Variants in OPHN1 observed in about 807,000 individuals in gnomAD.
OPHN1 encodes oligophrenin-1.
OPHN1 carries 11 observed loss-of-function variants against 60.7 expected under a neutral mutation model. The observed-to-expected ratio is 0.18, with a 90% confidence interval of 0.11 to 0.30. The LOEUF (loss-of-function observed/expected upper bound fraction) is 0.30, where lower values mean the gene tolerates loss of function less well. Among genes scored for constraint, OPHN1 ranks in the 10% least tolerant of loss-of-function variants. The probability of loss-of-function intolerance (pLI) is 1.00; values close to 1 mark genes in which losing one functional copy is unlikely to be tolerated. For missense variants in OPHN1, 449 were observed against 611.0 expected, an observed-to-expected ratio of 0.73 and a Z score of 2.80; for synonymous variants, 226 against 222.6, an observed-to-expected ratio of 1.02 and a Z score of -0.14.
chrX:68,051,219 G>C (rs1202658037), intron 23 of OPHN1, among the ~76,000 whole-genome samples: 1 of 110,523 alleles, frequency 9.0e-6, no homozygotes, highest in Non-Finnish European at 1.9e-5. Flanking sequence ...TCACCTGTTA[G>C]GAGGAACAAT....
At chrX:68,154,961 T>C (rs1277159910) in intron 15 of OPHN1, among the ~76,000 whole-genome samples, 1 of 108,962 alleles carries the variant, frequency 9.2e-6, no homozygotes, top group Admixed American at 9.9e-5. Flanking sequence ...CCAAGTTAAG[T>C]AGTGTAGAAA....
At chrX:68,266,284 T>A (rs893583705) in intron 5 of OPHN1, among the ~76,000 whole-genome samples, 3 of 111,224 alleles carry the variant, frequency 2.7e-5, no homozygotes, top group African/African-American at 9.8e-5. Context: ...GAAAGAAAGG[T>A]CGGGTTACCC....
intron 5 of OPHN1, among the ~76,000 whole-genome samples, chrX:68,244,241 C>T (rs1205619270): frequency 8.9e-6 from 1 of 112,235 alleles, no homozygotes; most frequent in Non-Finnish European, 1.9e-5. Flanking sequence ...GTTCAGGTCA[C>T]ACCTGAAGTG....
intron 23 of OPHN1, among the ~76,000 whole-genome samples, chrX:68,050,683 A>AG (rs748905216): frequency 8.9e-6 from 1 of 111,932 alleles, no homozygotes; most frequent in Non-Finnish European, 1.9e-5. Flanking sequence ...TTCTTTTTTC[A>AG]AGCCCCAACT....
At chrX:68,153,984 A>C (rs754085707) in intron 15 of OPHN1, among the ~76,000 whole-genome samples, 1 of 112,181 alleles carries the variant, frequency 8.9e-6, no homozygotes, top group African/African-American at 3.2e-5. Context: ...CCATAATATT[A>C]AAGGAGGAGT....
At chrX:68,206,936 C>T (rs1449956126) in intron 9 of OPHN1, among the ~76,000 whole-genome samples, 2 of 110,628 alleles carry the variant, frequency 1.8e-5, no homozygotes, top group African/African-American at 6.6e-5. Flanking sequence ...AATTGTATCA[C>T]CATATATCCC....
chrX:68,405,277 C>T (rs965388085), intron 2 of OPHN1, among the ~76,000 whole-genome samples: 1 of 111,583 alleles, frequency 9.0e-6, no homozygotes, highest in Admixed American at 9.6e-5. Context: ...GATTATAGCT[C>T]ACTATAGCTT....
chrX:68,389,153 C>T (rs2078640188), intron 2 of OPHN1, among the ~76,000 whole-genome samples: 1 of 104,977 alleles, frequency 9.5e-6, no homozygotes, highest in Non-Finnish European at 2.0e-5. Flanking sequence ...GACAGGGTCT[C>T]GCTTCATTGA....
chrX:68,143,096 A>AC (rs892398218), intron 15 of OPHN1, among the ~76,000 whole-genome samples: 4 of 111,576 alleles, frequency 3.6e-5, no homozygotes, highest in African/African-American at 1.3e-4. Context: ...GGATTCTGGA[A>AC]CCCCCAAGGG....
At chrX:68,219,564 A>T (rs1158614344) in intron 6 of OPHN1, among the ~76,000 whole-genome samples, 1 of 110,247 alleles carries the variant, frequency 9.1e-6, no homozygotes, top group African/African-American at 3.3e-5. Context: ...AAAGAACAGA[A>T]ATTATAACAA....
At chrX:68,411,944 C>T (rs1167627279) in intron 2 of OPHN1, among the ~76,000 whole-genome samples, 2 of 111,593 alleles carry the variant, frequency 1.8e-5, no homozygotes, top group African/African-American at 6.5e-5. Context: ...AGAATGGAAA[C>T]TCCCTCGAGG....
intron 15 of OPHN1, among the ~76,000 whole-genome samples, chrX:68,188,591 G>A (rs994837901): frequency 1.8e-5 from 2 of 111,791 alleles, no homozygotes; most frequent in Admixed American, 9.5e-5. Context: ...CACATCATAC[G>A]ACAGTATCAG....
chrX:68,320,328 G>A (rs1447204282), intron 2 of OPHN1, among the ~76,000 whole-genome samples: 3 of 111,147 alleles, frequency 2.7e-5, no homozygotes, highest in Non-Finnish European at 5.7e-5. Flanking sequence ...CAGCCTGGGC[G>A]ACAGAGTAAG....
chrX:68,126,240 TGCCCAAGGCCTG>T (rs1337484146), intron 15 of OPHN1, among the ~76,000 whole-genome samples: 1 of 110,042 alleles, frequency 9.1e-6, no homozygotes, highest in African/African-American at 3.3e-5. Flanking sequence ...AGCATGGCCC[TGCCCAAGGCCTG>T]TTCCATTCTC....
intron 15 of OPHN1, among the ~76,000 whole-genome samples, chrX:68,141,750 CAGAG>C (rs1181330607): frequency 9.1e-6 from 1 of 110,091 alleles, no homozygotes; most frequent in Non-Finnish European, 1.9e-5. Flanking sequence ...GAGAGAGAAA[CAGAG>C]AGACAGAGAG....
At chrX:68,297,398 A>C (rs2078100753) in intron 3 of OPHN1, among the ~76,000 whole-genome samples, 1 of 111,448 alleles carries the variant, frequency 9.0e-6, no homozygotes, top group South Asian at 3.7e-4. Flanking sequence ...CATAATGTTA[A>C]CTTTTAAATA....
intron 21 of OPHN1, among the ~76,000 whole-genome samples, chrX:68,058,259 A>AACAC (rs745625536): frequency 1.7e-3 from 178 of 101,991 alleles, no homozygotes; most frequent in Middle Eastern, 9.8e-3. Context: ...CCTACACTCT[A>AACAC]ACACACACAC....
intron 15 of OPHN1, among the ~76,000 whole-genome samples, chrX:68,186,627 T>C (rs2077463825): frequency 9.0e-6 from 1 of 111,606 alleles, no homozygotes; most frequent in Admixed American, 9.5e-5. Context: ...ATCTTAGTCA[T>C]TTCAGGCTAC....
At chrX:68,122,982 T>C (rs2077156467) in intron 15 of OPHN1, among the ~76,000 whole-genome samples, 1 of 111,121 alleles carries the variant, frequency 9.0e-6, no homozygotes, top group Non-Finnish European at 1.9e-5. Context: ...AAGACGGTTA[T>C]AGAACACCAG....
Sources: gnomAD v4.1 joint callset for allele counts (sites outside exome capture counted in the v4.1 genomes callset) on GRCh38, gnomAD v4.1.1 for gene constraint, MANE v1.5 for transcripts, NCBI Gene and HGNC (gene_info 2026-07-23, HGNC 2026-07-21) for gene names.